Variants in DNTTIP1 observed in about 807,000 individuals in gnomAD.
The protein encoded by DNTTIP1 is deoxynucleotidyltransferase terminal interacting protein 1.
Under a neutral mutation model 52.9 loss-of-function variants are expected in DNTTIP1, and 22 were observed. The observed-to-expected ratio is 0.42, with a 90% CI of 0.30 to 0.59. DNTTIP1 has a LOEUF of 0.59. Ranked by LOEUF, DNTTIP1 falls within the 20% of genes least tolerant of loss-of-function variation. The pLI, the probability that DNTTIP1 is intolerant of heterozygous loss-of-function variation, is 0.22. For missense variants in DNTTIP1, 286 were observed against 435.5 expected (o/e 0.66, Z 3.06); for synonymous variants, 136 against 155.1 (o/e 0.88, Z 0.92).
At chr20:45,810,624 T>C (rs1439218002) in intron 11 of DNTTIP1, among the ~76,000 whole-genome samples, 1 of 147,416 alleles carries the variant, frequency 6.8e-6, no homozygotes, top group Non-Finnish European at 1.5e-5. Context: ...AAGAGAGAAA[T>C]GGGTCCTTTT....
At chr20:45,794,862 C>T (rs368913194) in intron 3 of DNTTIP1, among the ~76,000 whole-genome samples, 29 of 150,016 alleles carry the variant, frequency 1.9e-4, no homozygotes, top group African/African-American at 6.1e-4. Flanking sequence ...TGCAGTGGCA[C>T]GGTCTTGGCT....
intron 10 of DNTTIP1, among the ~76,000 whole-genome samples, chr20:45,805,989 G>A (rs1247066728): frequency 6.6e-6 from 1 of 151,946 alleles, no homozygotes; most frequent in Admixed American, 6.6e-5. Context: ...GGCTGAGGCA[G>A]GAGAATCGCT....
chr20:45,792,859 G>A (rs924864245), intron 2 of DNTTIP1, 112 bp downstream of exon 2: 168 of 904,412 alleles, frequency 1.9e-4, no homozygotes, highest in Non-Finnish European at 2.3e-5. Context: ...AAGAGCACAG[G>A]ACTGAGGAAG....
At chr20:45,792,537 T>G in intron 1 of DNTTIP1, 140 bp from the exon 2 acceptor site, 1 of 652,890 alleles carries the variant, frequency 1.5e-6, no homozygotes, top group Admixed American at 3.2e-5. Context: ...CTTACAACTA[T>G]CGTCCCACCC....
At chr20:45,801,176 G>A (rs11697801) in intron 5 of DNTTIP1, 34 bp downstream of exon 5, 44,980 of 1,603,538 alleles carry the variant, frequency 0.028, 1,082 homozygotes, top group Admixed American at 0.13. Flanking sequence ...TATTGGAGCG[G>A]GAGGTCCTTC....
At chr20:45,798,792 T>G (rs978438811) in intron 4 of DNTTIP1, among the ~76,000 whole-genome samples, 3 of 152,200 alleles carry the variant, frequency 2.0e-5, no homozygotes, top group Non-Finnish European at 4.4e-5. Context: ...TGAGGCCTAA[T>G]CTTGTTCACC....
At chr20:45,807,115 G>C (rs1981675226) in intron 10 of DNTTIP1, among the ~76,000 whole-genome samples, 4 of 151,814 alleles carry the variant, frequency 2.6e-5, no homozygotes, top group Admixed American at 2.6e-4. Flanking sequence ...TGAGAATAGT[G>C]ATAGACCAAC....
chr20:45,807,509 A>G (rs184731112), intron 10 of DNTTIP1, among the ~76,000 whole-genome samples: 5 of 152,274 alleles, frequency 3.3e-5, no homozygotes, highest in Non-Finnish European at 5.9e-5. Context: ...TGCCTGTTAT[A>G]TCTTTTGCCC....
At position 45,794,035 on chromosome 20, in the gene DNTTIP1, TA is replaced by T; in HGVS notation, c.273+24del. On this transcript the variant is annotated intron_variant, in intron 3 of 12. Transcript: ENST00000372622. Reference sequence around the variant, plus strand: ...ACATGAAGGTGAGAGGGACACAGGATAAAAAATAACAGGAGAAAGACTCATG... The same window carrying T: ...ACATGAAGGTGAGAGGGACACAGGATAAAAATAACAGGAGAAAGACTCATG... 2 of 1,532,942 alleles carry T rather than the reference TA, an allele frequency of 1.3e-6. No individual in the cohort carries two copies. Among genetic ancestry groups the T allele is most frequent in the Non-Finnish European group, 8.9e-7 (1 of 1,124,586 alleles). The allele number at this position is 1,532,942 out of a possible 1,614,324, so 95.0% of individuals were successfully genotyped here. A position where few individuals can be genotyped will look rare whatever the true frequency, so the allele number is the denominator to read the frequency against.
intron 4 of DNTTIP1, among the ~76,000 whole-genome samples, chr20:45,799,892 G>A (rs1981366466): frequency 6.7e-6 from 1 of 149,742 alleles, no homozygotes; most frequent in Non-Finnish European, 1.5e-5. Flanking sequence ...CAGATCACGA[G>A]GTCAGAAGTG....
intron 2 of DNTTIP1, 136 bp from the exon 3 acceptor site, chr20:45,793,785 A>G (rs1381395556): frequency 4.1e-6 from 2 of 488,152 alleles, no homozygotes; most frequent in Non-Finnish European, 7.5e-6. Context: ...TTTGCACAAA[A>G]TCTGAGCATG....
chr20:45,792,186 A>G (rs1427093263), intron 1 of DNTTIP1, 77 bp downstream of exon 1: 3 of 916,974 alleles, frequency 3.3e-6, no homozygotes, highest in African/African-American at 3.4e-5. Context: ...CCCGCGGGCG[A>G]GAGAACGCGG....
intron 5 of DNTTIP1, 28 bp from the exon 6 acceptor site, chr20:45,801,374 C>G (rs1239601025): frequency 6.2e-7 from 1 of 1,613,770 alleles, no homozygotes; most frequent in Admixed American, 1.7e-5. Context: ...CACTGGCCTT[C>G]CACTGACTCC....
intron 4 of DNTTIP1, among the ~76,000 whole-genome samples, chr20:45,799,162 CGT>C (rs1981341032): frequency 6.6e-6 from 1 of 152,066 alleles, no homozygotes. Flanking sequence ...ATTATGGAAT[CGT>C]GGTTTATAGA....
chr20:45,792,749 TA>T lies in DNTTIP1; in HGVS notation c.176+4del, dbSNP rs1329349505. ...CCGCCGCTCACAGATGACAACAAGG[TA>T]AGGCTGGCCCTGCATGGGGCTTATA... On this transcript the variant is annotated splice_donor_region_variant and intron_variant, in intron 2 of 12. Transcript: ENST00000372622. The T allele has an allele frequency of 2.5e-6, 4 of 1,609,184 alleles. No homozygotes were observed. Among genetic ancestry groups the T allele is most frequent in the Non-Finnish European group, 2.5e-6 (3 of 1,178,236 alleles).
At position 45,791,960 on chromosome 20, in the gene DNTTIP1, C is replaced by T; in HGVS notation, c.-45C>T. 2 of 1,192,684 alleles carry T rather than the reference C, an allele frequency of 1.7e-6. No individual in the cohort carries two copies. Among genetic ancestry groups the T allele is most frequent in the Non-Finnish European group, 2.1e-6 (2 of 949,514 alleles). The allele number at this position is 1,192,684 out of a possible 1,614,324, so 73.9% of individuals were successfully genotyped here. ...CCAGTGACGTCACGGCGCCACTTTC[C>T]GGCCGGTGACAGAGTCCAGCGGAGT... is the stretch of plus-strand genomic sequence containing the variant. On this transcript the variant is annotated 5_prime_UTR_variant, in exon 1 of 13. Transcript: ENST00000372622.
At chr20:45,805,805 C>T (rs2145704651) in intron 10 of DNTTIP1, among the ~76,000 whole-genome samples, 1 of 152,266 alleles carries the variant, frequency 6.6e-6, no homozygotes, top group African/African-American at 2.4e-5. Context: ...GAGTTTGGGC[C>T]AGGTGCGTGA....
chr20:45,797,401 C>T (rs895342540), intron 4 of DNTTIP1, among the ~76,000 whole-genome samples: 14 of 152,116 alleles, frequency 9.2e-5, no homozygotes, highest in African/African-American at 3.4e-4. Context: ...TAGGCAATAC[C>T]ATTCAGGACA....
chr20:45,808,321 A>G (rs1242681858), intron 10 of DNTTIP1, among the ~76,000 whole-genome samples: 2 of 150,856 alleles, frequency 1.3e-5, no homozygotes, highest in East Asian at 3.9e-4. Context: ...TCTAGTCTGA[A>G]CAACAGAGCG....
Sources: allele counts gnomAD v4.1 joint callset (sites outside exome capture counted in the v4.1 genomes callset), GRCh38; gene constraint gnomAD v4.1.1; transcripts MANE v1.5; gene names NCBI Gene and HGNC (gene_info 2026-07-23, HGNC 2026-07-21).